The following EPC2 variants were observed in gnomAD, a reference collection of about 807,000 sequenced individuals.
EPC2 encodes the protein enhancer of polycomb 2.
EPC2 carries 14 observed loss-of-function variants against 92.1 expected under a neutral mutation model. That is an observed-to-expected ratio of 0.15 (90% CI 0.10 to 0.24). The LOEUF (loss-of-function observed/expected upper bound fraction) is 0.24, where lower values mean the gene tolerates loss of function less well. EPC2 is among the 10% of genes least tolerant of loss of function. The probability of loss-of-function intolerance (pLI) is 1.00; values close to 1 mark genes in which losing one functional copy is unlikely to be tolerated. For synonymous variants in EPC2, 340 were observed against 334.7 expected (o/e 1.02, Z -0.17); for missense variants, 755 against 971.5 (o/e 0.78, Z 2.96).
At chr2:148,753,209 A>T (rs1175547077) in intron 3 of EPC2, among the ~76,000 whole-genome samples, 2 of 152,204 alleles carry the variant, frequency 1.3e-5, no homozygotes, top group Non-Finnish European at 2.9e-5. Flanking sequence ...ACTGGTAAAG[A>T]GGTAGGTCCC....
intron 1 of EPC2, among the ~76,000 whole-genome samples, chr2:148,647,454 C>T (rs1303963371): frequency 1.3e-5 from 2 of 151,258 alleles, no homozygotes; most frequent in Non-Finnish European, 2.9e-5. Flanking sequence ...ATTATAGGCG[C>T]CCACTACCTC....
chr2:148,675,847 T>C (rs943951546), intron 1 of EPC2, among the ~76,000 whole-genome samples: 3 of 152,350 alleles, frequency 2.0e-5, no homozygotes, highest in Non-Finnish European at 2.9e-5. Context: ...CAGTCAGCTA[T>C]CTTTAGTTGG....
chr2:148,723,950 TA>T (rs1415862030), intron 2 of EPC2, among the ~76,000 whole-genome samples: 1 of 152,128 alleles, frequency 6.6e-6, no homozygotes, highest in Non-Finnish European at 1.5e-5. Context: ...TTTAGTGTTT[TA>T]AAAATGTCTT....
chr2:148,768,304 A>G (rs972587567), intron 7 of EPC2, among the ~76,000 whole-genome samples: 2 of 152,224 alleles, frequency 1.3e-5, no homozygotes, highest in Non-Finnish European at 2.9e-5. Flanking sequence ...AAATTTATCT[A>G]AAACATATTA....
Position 148,749,539 on chromosome 2 carries a change from A to T in EPC2, c.460-4388A>T, listed in dbSNP as rs1159819268. 2.0e-5 allele frequency among the ~76,000 whole-genome samples: 3 copies of T among 150,572 alleles called. No individual in the cohort carries two copies. In the Admixed American group the frequency reaches 2.0e-4, roughly 10 times the overall value. On this transcript the variant is annotated intron_variant, in intron 3 of 13. Transcript: ENST00000258484. The stretch of plus-strand genomic sequence containing the variant: ...TTTACTTGATACTGCATTATTGATT[A>T]TGCTTTGGATGGGGCAGACCACAAG...
intron 1 of EPC2, among the ~76,000 whole-genome samples, chr2:148,654,797 A>T (rs1019139864): frequency 4.6e-5 from 7 of 152,196 alleles, no homozygotes; most frequent in East Asian, 1.9e-4. Context: ...GACCTTGAAA[A>T]TTTTTTGCTA....
chr2:148,684,392 G>A (rs921243837), intron 1 of EPC2, among the ~76,000 whole-genome samples: 3 of 152,064 alleles, frequency 2.0e-5, no homozygotes, highest in South Asian at 2.1e-4. Context: ...TTGCATTTGC[G>A]TTTGGGTTCT....
intron 4 of EPC2, among the ~76,000 whole-genome samples, chr2:148,760,150 G>C (rs1226706251): frequency 6.6e-6 from 1 of 152,046 alleles, no homozygotes; most frequent in East Asian, 1.9e-4. Flanking sequence ...TGAGGGAGGA[G>C]GGAGGCTGAG....
At chr2:148,687,391 T>C (rs968077494) in intron 1 of EPC2, among the ~76,000 whole-genome samples, 7 of 152,216 alleles carry the variant, frequency 4.6e-5, no homozygotes, top group African/African-American at 1.7e-4. Flanking sequence ...ATTATTTGTG[T>C]GTTCACTAGA....
chr2:148,699,988 AT>A (rs1291085239), intron 2 of EPC2, among the ~76,000 whole-genome samples: 1 of 152,150 alleles, frequency 6.6e-6, no homozygotes, highest in African/African-American at 2.4e-5. Flanking sequence ...TAAGATGTTG[AT>A]CACCTTTTTG....
intron 1 of EPC2, among the ~76,000 whole-genome samples, chr2:148,675,308 T>A (rs1326886810): frequency 6.6e-6 from 1 of 152,196 alleles, no homozygotes; most frequent in Non-Finnish European, 1.5e-5. Context: ...TTCAGGTGAT[T>A]TTTAAAATTT....
chr2:148,744,559 CATTTAT>C (rs1236585634), intron 3 of EPC2, among the ~76,000 whole-genome samples: 1 of 151,970 alleles, frequency 6.6e-6, no homozygotes. Context: ...TTTGTTTAAT[CATTTAT>C]ATTTATACAT....
intron 2 of EPC2, among the ~76,000 whole-genome samples, chr2:148,723,458 T>TC (rs1475285978): frequency 6.6e-6 from 1 of 152,114 alleles, no homozygotes; most frequent in African/African-American, 2.4e-5. Context: ...GCCCTCCCTC[T>TC]CCCCCATTGG....
intron 2 of EPC2, among the ~76,000 whole-genome samples, chr2:148,732,877 A>G: frequency 6.6e-6 from 1 of 151,242 alleles, no homozygotes; most frequent in Middle Eastern, 3.5e-3. Flanking sequence ...TATAGCAGAC[A>G]TATTTGTATT....
intron 2 of EPC2, among the ~76,000 whole-genome samples, chr2:148,738,834 G>A (rs1439879860): frequency 6.6e-6 from 1 of 152,176 alleles, no homozygotes; most frequent in Admixed American, 6.5e-5. Flanking sequence ...ACTAATAAAA[G>A]TGGTGTGGAA....
intron 1 of EPC2, among the ~76,000 whole-genome samples, chr2:148,683,016 G>C (rs994860358): frequency 6.6e-6 from 1 of 151,192 alleles, no homozygotes; most frequent in African/African-American, 2.4e-5. Flanking sequence ...TTTCTTACAA[G>C]TTTTCTGAAT....
chr2:148,761,852 C>A lies in EPC2; in HGVS notation c.737C>A (p.Thr246Lys). The change falls in exon 5 of 14, where the codon ACA becomes AAA. Residue 246 changes from threonine to lysine, a missense_variant. By Grantham distance (78) the Thr-to-Lys change is moderately conservative. Transcript: ENST00000258484. Reference protein sequence around the residue: ...KLRREFSRAITILEMIKRREK... With the variant: ...KLRREFSRAIKILEMIKRREK... ...AGACGAGAATTTAGTAGAGCCATAA[C>A]AATTTTGGAAATGATTAAGAGAAGA... 6.3e-7 allele frequency: 1 copy of A among 1,593,898 alleles called. No individual in the cohort carries two copies. Among genetic ancestry groups the A allele is most frequent in the East Asian group, 2.3e-5 (1 of 43,608 alleles).
At chr2:148,690,716 G>A (rs146707071) in intron 2 of EPC2, among the ~76,000 whole-genome samples, 3 of 152,004 alleles carry the variant, frequency 2.0e-5, no homozygotes, top group Non-Finnish European at 4.4e-5. Flanking sequence ...AGGCTGGAGT[G>A]CAGTGGCATG....
chr2:148,743,560 G>T, intron 2 of EPC2, 62 bp from the exon 3 acceptor site: 1 of 1,341,942 alleles, frequency 7.5e-7, no homozygotes, highest in Non-Finnish European at 9.9e-7. Context: ...AGTCAAATAT[G>T]ATGAACAATG....
Sources: allele counts gnomAD v4.1 joint callset (sites outside exome capture counted in the v4.1 genomes callset), GRCh38; gene constraint gnomAD v4.1.1; transcripts MANE v1.5; gene names NCBI Gene and HGNC (gene_info 2026-07-23, HGNC 2026-07-21).